ZNF462: variants seen among roughly 807,000 people sequenced by gnomAD.
The protein encoded by ZNF462 is zinc finger protein 462, also known as zinc finger PBX1-interacting protein.
In ZNF462, 10 loss-of-function variants were observed where a neutral mutation model predicts 201.9. That is an observed-to-expected ratio of 0.05 (90% CI 0.03 to 0.08). ZNF462 has a LOEUF of 0.08. ZNF462 is among the 10% of genes least tolerant of loss of function. ZNF462 has a pLI of 1.00. For synonymous variants in ZNF462, 1,227 were observed against 1,193.3 expected (o/e 1.03, Z -0.58); for missense variants, 2,523 against 3,168.3 (o/e 0.80, Z 4.89).
chr9:106,937,958 G>C (rs545123227), intron 6 of ZNF462, among the ~76,000 whole-genome samples: 2 of 152,218 alleles, frequency 1.3e-5, no homozygotes, highest in South Asian at 4.2e-4. Flanking sequence ...TTGGAAACAT[G>C]AGCATTTCTA....
chr9:106,881,282 C>T (rs575497478), intron 1 of ZNF462, among the ~76,000 whole-genome samples: 3 of 152,212 alleles, frequency 2.0e-5, no homozygotes, highest in African/African-American at 7.2e-5. Flanking sequence ...TTGATTCTAG[C>T]GCAGAGGACA....
Position 107,003,542 on chromosome 9 carries a change from A to G in ZNF462, c.7189+116A>G. 7.3e-7 allele frequency: 1 copy of G among 1,365,148 alleles called. No homozygotes were observed. The highest frequency in any genetic ancestry group is 9.8e-7 in the Non-Finnish European group (1 of 1,019,696). 84.6% of individuals were successfully genotyped at this position (1,365,148 alleles called of 1,614,324 possible). A position where few individuals can be genotyped will look rare whatever the true frequency, so the allele number is the denominator to read the frequency against. ...CAGAAGGAATGATCCTTCTTAGTTA[A>G]GTAGCAGAACAGACTGACTTAGAAA... On this transcript the variant is annotated intron_variant, in intron 11 of 12. Coordinates refer to ENST00000277225, the MANE Select transcript of ZNF462 (RefSeq NM_021224.6). The surrounding 1 kb of genome is among the most constrained non-coding windows in gnomAD (Gnocchi z 4.4).
chr9:106,869,278 T>A (rs1827483382), intron 1 of ZNF462, among the ~76,000 whole-genome samples: 1 of 152,226 alleles, frequency 6.6e-6, no homozygotes, highest in Non-Finnish European at 1.5e-5. Flanking sequence ...TCTTACTCAT[T>A]CAAAATGTGC....
intron 1 of ZNF462, among the ~76,000 whole-genome samples, chr9:106,881,893 C>T (rs1328946885): frequency 6.6e-6 from 1 of 152,042 alleles, no homozygotes; most frequent in African/African-American, 2.4e-5. Context: ...TATTAAATTC[C>T]TTAGATGAAG....
At chr9:106,995,492 T>C (rs1828636684) in intron 10 of ZNF462, 1 of 152,176 alleles carries the variant, frequency 6.6e-6, no homozygotes, top group African/African-American at 2.4e-5. Context: ...TTTTGACATA[T>C]TTTGTGAGTA....
At chr9:106,975,430 A>T (rs2132097312) in intron 9 of ZNF462, 1 of 152,208 alleles carries the variant, frequency 6.6e-6, no homozygotes, top group South Asian at 2.1e-4. Flanking sequence ...TTTGTGACAT[A>T]CTCACCCATG....
chr9:106,917,848 A>ATATT lies in ZNF462; in HGVS notation c.-30-5464_-30-5461dup, dbSNP rs57577781. On this transcript the variant is annotated intron_variant, in intron 1 of 12. Coordinates refer to ENST00000277225, the MANE Select transcript of ZNF462 (RefSeq NM_021224.6). The surrounding 1 kb of genome is among the most constrained non-coding windows in gnomAD (Gnocchi z 4.5). ...TATTTTGCTGGTTTATTATTTTTTT[A>ATATT]TATTTATTTATTTATTTATTTATTT... Among the ~76,000 whole-genome samples the ATATT allele has an allele frequency of 0.076, 11,054 of 145,680 alleles. 514 individuals are homozygous for ATATT. The highest frequency in any genetic ancestry group is 0.13 in the East Asian group (639 of 4,954).
intron 1 of ZNF462, among the ~76,000 whole-genome samples, chr9:106,882,201 G>A (rs1228695716): frequency 6.6e-6 from 1 of 152,162 alleles, no homozygotes; most frequent in Non-Finnish European, 1.5e-5. Context: ...TTCCTGAACA[G>A]GACTAGACTA....
intron 1 of ZNF462, among the ~76,000 whole-genome samples, chr9:106,877,069 G>T (rs1046770181): frequency 2.2e-4 from 33 of 152,130 alleles, no homozygotes; most frequent in Non-Finnish European, 7.3e-5. Flanking sequence ...TGTTTTAAGG[G>T]TAGATGATAT....
At chr9:106,965,934 AAAGTAC>A (rs1588127476) in intron 7 of ZNF462, among the ~76,000 whole-genome samples, 1 of 152,122 alleles carries the variant, frequency 6.6e-6, no homozygotes, top group East Asian at 1.9e-4. Flanking sequence ...GCTATTAAAT[AAAGTAC>A]ATTTTTAGCT....
intron 10 of ZNF462, among the ~76,000 whole-genome samples, chr9:106,988,768 A>G (rs1179508627): frequency 2.6e-5 from 4 of 152,106 alleles, no homozygotes; most frequent in Admixed American, 2.0e-4. Flanking sequence ...TTTGTTAGGT[A>G]TATTCCTAAG....
chr9:107,011,114 C>T lies in ZNF462; in HGVS notation c.*84C>T. 7.2e-7 allele frequency: 1 copy of T among 1,387,084 alleles called. No individual in the cohort carries two copies. The highest frequency in any genetic ancestry group is 1.0e-6 in the Non-Finnish European group (1 of 1,002,318). The allele number at this position is 1,387,084 out of a possible 1,614,324, so 85.9% of individuals were successfully genotyped here. Reference sequence around the variant, plus strand: ...CTGGCTTGGGCTGAGAAGGGAGGGACAGAAAAGAGAAGACAGAACAAAGCT... The same window carrying T: ...CTGGCTTGGGCTGAGAAGGGAGGGATAGAAAAGAGAAGACAGAACAAAGCT... On this transcript the variant is annotated 3_prime_UTR_variant, in exon 13 of 13. Transcript: ENST00000277225. The surrounding 1 kb of genome is among the most constrained non-coding windows in gnomAD (Gnocchi z 5.6).
At chr9:106,921,849 C>T (rs964321605) in intron 1 of ZNF462, among the ~76,000 whole-genome samples, 1 of 152,110 alleles carries the variant, frequency 6.6e-6, no homozygotes, top group African/African-American at 2.4e-5. Context: ...GACATAAAAG[C>T]TTGTGTATCT....
chr9:106,930,749 C>T lies in ZNF462; in HGVS notation c.6012+60C>T. The T allele has an allele frequency of 2.5e-6, 4 of 1,591,470 alleles. No homozygotes were observed. Among genetic ancestry groups the T allele is most frequent in the Non-Finnish European group, 2.6e-6 (3 of 1,164,812 alleles). ...TGAGCGATTCGAGTTACTTATTAAC[C>T]CCATTGCCTAAAGCAGCTCAGGAAA... On this transcript the variant is annotated intron_variant, in intron 4 of 12. Coordinates refer to ENST00000277225, the MANE Select transcript of ZNF462 (RefSeq NM_021224.6). The surrounding 1 kb of genome is among the most constrained non-coding windows in gnomAD (Gnocchi z 5.8).
intron 1 of ZNF462, among the ~76,000 whole-genome samples, chr9:106,871,009 G>C (rs376400638): frequency 3.3e-5 from 5 of 152,292 alleles, no homozygotes; most frequent in South Asian, 2.1e-4. Context: ...CAGAGGCTGG[G>C]GGGTGGGAGC....
chr9:106,939,286 G>C (rs182998549), intron 7 of ZNF462, among the ~76,000 whole-genome samples, 179 bp downstream of exon 7: 1 of 152,304 alleles, frequency 6.6e-6, no homozygotes, highest in African/African-American at 2.4e-5. Flanking sequence ...AAATGAACTT[G>C]TTGAGCATCT....
Position 106,926,779 on chromosome 9 carries a change from C to A in ZNF462, c.2867C>A (p.Ala956Glu), listed in dbSNP as rs754650076. The A allele has an allele frequency of 6.2e-7, 1 of 1,614,102 alleles. No homozygotes were observed. Among genetic ancestry groups the A allele is most frequent in the Non-Finnish European group, 8.5e-7 (1 of 1,180,034 alleles). The change falls in exon 3 of 13, where the codon GCG becomes GAG. Residue 956 changes from alanine (A) to glutamate (E), a missense_variant. Coordinates refer to ENST00000277225, the MANE Select transcript of ZNF462 (RefSeq NM_021224.6). This position sits in a 1 kb window ranked among gnomAD's most constrained non-coding sequence, Gnocchi z 7.9. ...CATCCCACGGTGAAGATCAACAACG[C>A]GATGATATTTTCAAGCTATGTCGTG... is the stretch of plus-strand genomic sequence containing the variant. ...RMHPTVKINN[A>E]MIFSSYVVEQ...
chr9:107,001,933 T>C lies in ZNF462; in HGVS notation c.7057-1361T>C, dbSNP rs112194651. 2.3e-3 allele frequency among the ~76,000 whole-genome samples: 355 copies of C among 152,196 alleles called. 3 individuals are homozygous for C. Among genetic ancestry groups the C allele is most frequent in the African/African-American group, 8.3e-3 (345 of 41,520 alleles). On this transcript the variant is annotated intron_variant, in intron 10 of 12. Coordinates refer to ENST00000277225, the MANE Select transcript of ZNF462 (RefSeq NM_021224.6). ...TAAAAGAGGTTTTTCCCTGAGTTCT[T>C]CTCCTCCTGAATGCTACCTATCTCT...
intron 1 of ZNF462, among the ~76,000 whole-genome samples, chr9:106,907,692 A>T (rs1194439047): frequency 1.3e-5 from 2 of 152,052 alleles, no homozygotes; most frequent in African/African-American, 4.8e-5. Context: ...TACTGAGGAA[A>T]TTACCTTATG....
Sources: allele counts gnomAD v4.1 joint callset (sites outside exome capture counted in the v4.1 genomes callset), GRCh38; gene constraint gnomAD v4.1.1; non-coding constraint Gnocchi (gnomAD v3.1); transcripts MANE v1.5; gene names NCBI Gene and HGNC (gene_info 2026-07-23, HGNC 2026-07-21).